UVRAG: variants seen among roughly 807,000 people sequenced by gnomAD.
UVRAG encodes the protein UV radiation resistance-associated gene protein.
UVRAG carries 19 observed loss-of-function variants against 78.0 expected under a neutral mutation model. The ratio of observed to expected loss-of-function variants is 0.24; its 90% CI spans 0.17 to 0.36. UVRAG has a LOEUF of 0.36. UVRAG is among the 10% of genes least tolerant of loss of function. The probability of loss-of-function intolerance (pLI) is 1.00; values close to 1 mark genes in which losing one functional copy is unlikely to be tolerated. For missense variants in UVRAG, 740 were observed against 853.8 expected (o/e 0.87, Z 1.66); for synonymous variants, 323 against 324.6 (o/e 1.00, Z 0.05).
intron 12 of UVRAG, among the ~76,000 whole-genome samples, chr11:76,044,355 G>C (rs1314139798): frequency 3.3e-5 from 5 of 152,236 alleles, no homozygotes; most frequent in African/African-American, 1.2e-4. Flanking sequence ...AGCACACAGA[G>C]CCTGACATGG....
At chr11:75,849,382 T>C (rs1412494050) in intron 1 of UVRAG, among the ~76,000 whole-genome samples, 1 of 150,330 alleles carries the variant, frequency 6.7e-6, no homozygotes, top group African/African-American at 2.5e-5. Context: ...TAGTCCCAGC[T>C]ACTTGGGAGG....
chr11:76,115,766 A>G (rs1202196241), intron 13 of UVRAG, 158 bp from the exon 14 acceptor site: 4 of 633,470 alleles, frequency 6.3e-6, no homozygotes, highest in Non-Finnish European at 1.1e-5. Context: ...CTATATGTCA[A>G]ATACCCAGTA....
At chr11:75,938,944 CAT>C (rs1309831745) in intron 6 of UVRAG, among the ~76,000 whole-genome samples, 1 of 152,140 alleles carries the variant, frequency 6.6e-6, no homozygotes, top group Non-Finnish European at 1.5e-5. Context: ...TTGGGATCCC[CAT>C]CCCTACTCTG....
intron 14 of UVRAG, among the ~76,000 whole-genome samples, chr11:76,124,525 C>T (rs1952350574): frequency 6.6e-6 from 1 of 152,188 alleles, no homozygotes. Context: ...GTTTTAGGGC[C>T]AAGCAAGCCA....
intron 12 of UVRAG, among the ~76,000 whole-genome samples, chr11:76,051,829 A>T (rs570610050): frequency 6.6e-6 from 1 of 152,236 alleles, no homozygotes; most frequent in Admixed American, 6.5e-5. Context: ...TCCCCCAAAG[A>T]AGGAGGAAAA....
chr11:76,088,521 T>G (rs1180345785), intron 13 of UVRAG, among the ~76,000 whole-genome samples: 1 of 112,990 alleles, frequency 8.9e-6, no homozygotes, highest in Non-Finnish European at 1.7e-5. Flanking sequence ...GCAACAAGAC[T>G]CTTTTGCATG....
At chr11:75,959,346 G>A (rs994870639) in intron 6 of UVRAG, among the ~76,000 whole-genome samples, 5 of 152,214 alleles carry the variant, frequency 3.3e-5, no homozygotes, top group African/African-American at 1.2e-4. Flanking sequence ...CTTAGCTAGA[G>A]CTACTGAGTA....
chr11:75,919,788 G>A (rs1484665188), intron 6 of UVRAG, among the ~76,000 whole-genome samples: 1 of 152,106 alleles, frequency 6.6e-6, no homozygotes, highest in Non-Finnish European at 1.5e-5. Context: ...GTCTTAAAAT[G>A]GTGAGATGAT....
At chr11:75,815,607 G>A in intron 1 of UVRAG, 83 bp downstream of exon 1, 1 of 887,006 alleles carries the variant, frequency 1.1e-6, no homozygotes, top group Non-Finnish European at 1.5e-6. Context: ...CTGACCCCGC[G>A]AGCCGGGACA....
intron 5 of UVRAG, among the ~76,000 whole-genome samples, chr11:75,910,355 G>A (rs932050752): frequency 6.6e-6 from 1 of 152,106 alleles, no homozygotes; most frequent in Non-Finnish European, 1.5e-5. Flanking sequence ...CCATATTACA[G>A]ATGAAGAAAC....
At position 75,978,108 on chromosome 11, in the gene UVRAG, T is replaced by C. The variant is rs11236592; in HGVS notation, c.700-5279T>C. On this transcript the variant is annotated intron_variant, in intron 7 of 14. Coordinates refer to ENST00000356136, the MANE Select transcript of UVRAG (RefSeq NM_003369.4). ...GCATTTGCTTGTCTGTAAAGGATTT[T>C]ATTTCTCCTTCACTTATGAAGCTTA... Among the ~76,000 whole-genome samples, 213 of 152,276 alleles carry C rather than the reference T, an allele frequency of 1.4e-3. 2 individuals carry two copies. The East Asian group carries it at 0.038, about 27-fold the overall frequency.
At chr11:75,972,933 T>G (rs892886288) in intron 7 of UVRAG, among the ~76,000 whole-genome samples, 3 of 152,198 alleles carry the variant, frequency 2.0e-5, no homozygotes, top group Non-Finnish European at 2.9e-5. Context: ...TTTGTTTTGT[T>G]TGTCAATTCT....
At chr11:75,975,962 G>C (rs192727352) in intron 7 of UVRAG, among the ~76,000 whole-genome samples, 1,877 of 152,186 alleles carry the variant, frequency 0.012, 39 homozygotes, top group African/African-American at 0.038. Flanking sequence ...AAAGGGAATG[G>C]TTCCAGTTTT....
At chr11:75,958,014 G>C in intron 6 of UVRAG, among the ~76,000 whole-genome samples, 1 of 152,150 alleles carries the variant, frequency 6.6e-6, no homozygotes, top group East Asian at 1.9e-4. Context: ...GTGTGAAATA[G>C]CATTATGTCT....
intron 6 of UVRAG, among the ~76,000 whole-genome samples, chr11:75,943,445 G>A (rs565511829): frequency 7.2e-5 from 11 of 151,874 alleles, no homozygotes; most frequent in Admixed American, 6.6e-4. Context: ...CCTCAAGTGT[G>A]TTTATTGTGT....
At chr11:76,031,849 G>A (rs563778554) in intron 12 of UVRAG, among the ~76,000 whole-genome samples, 2 of 152,168 alleles carry the variant, frequency 1.3e-5, no homozygotes, top group Non-Finnish European at 2.9e-5. Flanking sequence ...ATCAGTGAGC[G>A]TGCCAGTAGT....
chr11:76,121,302 A>G (rs1247774569), intron 14 of UVRAG, among the ~76,000 whole-genome samples: 1 of 152,132 alleles, frequency 6.6e-6, no homozygotes, highest in Non-Finnish European at 1.5e-5. Flanking sequence ...AGGAGTGCCC[A>G]TTTTTTCATC....
rs1251046125 is a variant in UVRAG, at chr11:75,827,676, A to G, written c.117+12152A>G. On this transcript the variant is annotated intron_variant, in intron 1 of 14. Coordinates refer to ENST00000356136, the MANE Select transcript of UVRAG (RefSeq NM_003369.4). ...TGCAGGATAGGAAAAACTGAGAGCCATTTATTCAATAGATACTTTTAAAGT... is the reference window on the plus strand; with the variant it reads ...TGCAGGATAGGAAAAACTGAGAGCCGTTTATTCAATAGATACTTTTAAAGT... Among the ~76,000 whole-genome samples, 2 of 152,314 alleles carry G rather than the reference A, an allele frequency of 1.3e-5. 1 individual carries two copies. The highest frequency in any genetic ancestry group is 6.8e-3 in the Middle Eastern group (2 of 294).
intron 8 of UVRAG, among the ~76,000 whole-genome samples, chr11:76,003,257 A>ATTTTTTTTTTTTTTTTTTTTTTTTTTT (rs398045280): frequency 1.9e-5 from 1 of 53,786 alleles, no homozygotes; most frequent in African/African-American, 7.8e-5. Context: ...GAAAATACTG[A>ATTTTTTTTTTTTTTTTTTTTTTTTTTT]TTTTTTTTTT....
Sources: allele counts gnomAD v4.1 joint callset (sites outside exome capture counted in the v4.1 genomes callset), GRCh38; gene constraint gnomAD v4.1.1; transcripts MANE v1.5; gene names NCBI Gene and HGNC (gene_info 2026-07-23, HGNC 2026-07-21).